GRIA3: variants seen among roughly 807,000 people sequenced by gnomAD.
The protein encoded by GRIA3 is glutamate receptor 3.
In GRIA3, 3 loss-of-function variants were observed where a neutral mutation model predicts 63.0. The observed-to-expected ratio is 0.05, with a 90% CI of 0.02 to 0.12. The LOEUF (loss-of-function observed/expected upper bound fraction) is 0.12. Ranked by LOEUF, GRIA3 falls within the 10% of genes least tolerant of loss-of-function variation. The pLI is 1.00. For missense variants in GRIA3, 347 were observed against 700.9 expected (o/e 0.50, Z 5.70); for synonymous variants, 274 against 257.9 (o/e 1.06, Z -0.60).
chrX:123,251,504 C>T (rs1388576019), intron 2 of GRIA3, among the ~76,000 whole-genome samples: 2 of 111,471 alleles, frequency 1.8e-5, no homozygotes, highest in South Asian at 3.9e-4. Flanking sequence ...GGCACGATCT[C>T]GGCTCACTGC....
At chrX:123,246,049 C>T (rs2044357582) in intron 2 of GRIA3, among the ~76,000 whole-genome samples, 1 of 111,076 alleles carries the variant, frequency 9.0e-6, no homozygotes, top group African/African-American at 3.3e-5. Flanking sequence ...TGGATGGATT[C>T]AAGGAGAGGC....
chrX:123,214,778 T>C (rs768687688), intron 2 of GRIA3, among the ~76,000 whole-genome samples: 2 of 112,335 alleles, frequency 1.8e-5, no homozygotes, highest in Non-Finnish European at 3.8e-5. Flanking sequence ...ACCTATCTGA[T>C]AGCATACCCC....
At chrX:123,290,176 A>T (rs745892209) in intron 3 of GRIA3, among the ~76,000 whole-genome samples, 1 of 111,266 alleles carries the variant, frequency 9.0e-6, no homozygotes, top group African/African-American at 3.3e-5. Flanking sequence ...ATAGCACTAA[A>T]ATATTATCAA....
chrX:123,473,485 A>G (rs778744865), intron 13 of GRIA3, among the ~76,000 whole-genome samples: 21 of 112,010 alleles, frequency 1.9e-4, no homozygotes, highest in African/African-American at 6.5e-4. Flanking sequence ...CTGCCTGTAC[A>G]TGCCTGTTAT....
intron 2 of GRIA3, among the ~76,000 whole-genome samples, chrX:123,220,234 T>C (rs753000450): frequency 1.8e-5 from 2 of 112,427 alleles, no homozygotes; most frequent in South Asian, 3.8e-4. Flanking sequence ...CAAGGTCATA[T>C]GGTGAGTCAG....
At chrX:123,455,525 G>A (rs1039280770) in intron 12 of GRIA3, among the ~76,000 whole-genome samples, 4 of 111,833 alleles carry the variant, frequency 3.6e-5, no homozygotes, top group Admixed American at 1.9e-4. Context: ...AAATGTGTCC[G>A]ATGCATTTGG....
intron 5 of GRIA3, among the ~76,000 whole-genome samples, chrX:123,376,578 T>C (rs2045285915): frequency 8.9e-6 from 1 of 112,536 alleles, no homozygotes; most frequent in Non-Finnish European, 1.9e-5. Flanking sequence ...AACTGGTGAA[T>C]GAGGAGTCAG....
At chrX:123,451,625 G>T (rs2045732800) in intron 12 of GRIA3, among the ~76,000 whole-genome samples, 1 of 107,844 alleles carries the variant, frequency 9.3e-6, no homozygotes, top group Non-Finnish European at 1.9e-5. Flanking sequence ...GGGAGAAGTG[G>T]TTGCATTTTG....
At chrX:123,259,407 C>G (rs1324428999) in intron 3 of GRIA3, among the ~76,000 whole-genome samples, 1 of 109,917 alleles carries the variant, frequency 9.1e-6, no homozygotes, top group African/African-American at 3.3e-5. Flanking sequence ...CTCTCTCTCT[C>G]TCCCTCTTTC....
intron 5 of GRIA3, among the ~76,000 whole-genome samples, chrX:123,369,372 A>C (rs1013692944): frequency 4.5e-5 from 5 of 112,146 alleles, no homozygotes; most frequent in Non-Finnish European, 7.5e-5. Flanking sequence ...CAGCAGTGGG[A>C]GTACAGAAGG....
In GRIA3 at chrX:123,288,965, C is replaced by T. The variant is rs369840196; in HGVS notation, c.508+35423C>T. Among the ~76,000 whole-genome samples, 40 of 112,066 alleles carry T rather than the reference C, an allele frequency of 3.6e-4. 1 individual carries two copies. In the South Asian group the frequency reaches 0.014, roughly 41 times the overall value. On this transcript the variant is annotated intron_variant, in intron 3 of 15. Transcript: ENST00000620443. ...AATTATTCTACTATAAAGACACATG[C>T]ACACGTATGTTTATTGCAGCACTAT...
At chrX:123,382,817 A>G (rs1399644975) in intron 5 of GRIA3, among the ~76,000 whole-genome samples, 1 of 112,263 alleles carries the variant, frequency 8.9e-6, no homozygotes, top group African/African-American at 3.2e-5. Flanking sequence ...CGCTTTTGCT[A>G]ATTCTACATT....
chrX:123,388,937 G>T (rs781329694), intron 5 of GRIA3, among the ~76,000 whole-genome samples: 79 of 112,130 alleles, frequency 7.0e-4, no homozygotes, highest in South Asian at 2.2e-3. Context: ...TTTGTGTCAA[G>T]AATTTTTTAA....
intron 3 of GRIA3, among the ~76,000 whole-genome samples, chrX:123,301,754 C>T (rs965893640): frequency 9.0e-6 from 1 of 111,126 alleles, no homozygotes; most frequent in Non-Finnish European, 1.9e-5. Context: ...TTAAAATGTT[C>T]CTGAAGAGGG....
intron 2 of GRIA3, among the ~76,000 whole-genome samples, chrX:123,205,654 T>C (rs760157342): frequency 9.0e-6 from 1 of 111,599 alleles, no homozygotes; most frequent in Admixed American, 9.5e-5. Context: ...TAGGGGCAAA[T>C]AGACCTAAGA....
At chrX:123,421,547 T>C (rs1478251344) in intron 11 of GRIA3, among the ~76,000 whole-genome samples, 1 of 112,687 alleles carries the variant, frequency 8.9e-6, no homozygotes, top group Non-Finnish European at 1.9e-5. Flanking sequence ...AAGCCCAGAA[T>C]GTGAGCATGC....
At chrX:123,204,545 T>C in intron 2 of GRIA3, 3 of 1,162,541 alleles carry the variant, frequency 2.6e-6, no homozygotes, top group South Asian at 1.9e-5. Context: ...AAGTTGCAGG[T>C]TGAACCCAAA....
intron 2 of GRIA3, among the ~76,000 whole-genome samples, chrX:123,206,003 T>C (rs920791974): frequency 9.0e-6 from 1 of 111,312 alleles, no homozygotes; most frequent in African/African-American, 3.3e-5. Flanking sequence ...AAGATGGTCG[T>C]GGGGGAGGGT....
At chrX:123,373,244 T>C (rs1358559449) in intron 5 of GRIA3, among the ~76,000 whole-genome samples, 3 of 111,731 alleles carry the variant, frequency 2.7e-5, no homozygotes, top group Non-Finnish European at 5.6e-5. Context: ...ATGTGCCACA[T>C]TTTCTTAATC....
Sources: allele counts gnomAD v4.1 joint callset (sites outside exome capture counted in the v4.1 genomes callset), GRCh38; gene constraint gnomAD v4.1.1; transcripts MANE v1.5; gene names NCBI Gene and HGNC (gene_info 2026-07-23, HGNC 2026-07-21).